TAFA2: variants seen among roughly 807,000 people sequenced by gnomAD.
The protein encoded by TAFA2 is chemokine-like protein TAFA-2.
In TAFA2, 7 loss-of-function variants were observed where a neutral mutation model predicts 18.8. The ratio of observed to expected loss-of-function variants is 0.37; its 90% CI spans 0.21 to 0.70. TAFA2 has a LOEUF of 0.70. Among genes scored for constraint, TAFA2 ranks in the 30% least tolerant of loss-of-function variants. The pLI is 0.53. For synonymous variants in TAFA2, 60 were observed against 54.2 expected (o/e 1.11, Z -0.47); for missense variants, 122 against 158.1 (o/e 0.77, Z 1.23).
At chr12:61,826,338 C>CTGTGTG (rs57736074) in intron 2 of TAFA2, among the ~76,000 whole-genome samples, 17,044 of 149,090 alleles carry the variant, frequency 0.11, 1,071 homozygotes, top group East Asian at 0.19. Context: ...ATTAGTTCAT[C>CTGTGTG]TGTGTGTGTG....
At chr12:61,990,982 C>A (rs182647406) in intron 1 of TAFA2, among the ~76,000 whole-genome samples, 5 of 152,204 alleles carry the variant, frequency 3.3e-5, no homozygotes, top group African/African-American at 1.2e-4. Context: ...AAAATAGTGA[C>A]CTTTTGTAAA....
intron 1 of TAFA2, chr12:62,022,047 C>A: frequency 1.7e-6 from 1 of 592,218 alleles, no homozygotes; most frequent in Non-Finnish European, 3.3e-6. Flanking sequence ...TAAAGCTCTA[C>A]ACTGCCCTCT....
intron 1 of TAFA2, among the ~76,000 whole-genome samples, chr12:62,008,913 TAGAA>T (rs1447449369): frequency 1.3e-5 from 2 of 152,212 alleles, no homozygotes; most frequent in Admixed American, 1.3e-4. Context: ...CAGAAATTGA[TAGAA>T]AGAGGACTGT....
chr12:62,162,962 G>T (rs2062415615), intron 1 of TAFA2, among the ~76,000 whole-genome samples: 1 of 151,882 alleles, frequency 6.6e-6, no homozygotes, highest in South Asian at 2.1e-4. Flanking sequence ...ATCAAAAAAG[G>T]CAGCACTGCA....
intron 2 of TAFA2, among the ~76,000 whole-genome samples, chr12:61,756,814 T>A (rs1375165405): frequency 6.6e-6 from 1 of 152,026 alleles, no homozygotes; most frequent in Non-Finnish European, 1.5e-5. Context: ...ATGAGCTGAA[T>A]AATGAGAAGG....
At chr12:61,911,182 C>CA (rs1215877124) in intron 1 of TAFA2, among the ~76,000 whole-genome samples, 4 of 151,976 alleles carry the variant, frequency 2.6e-5, no homozygotes, top group African/African-American at 7.3e-5. Context: ...CATTTTACCC[C>CA]AAAAAAATAG....
intron 2 of TAFA2, chr12:61,775,894 G>A (rs1470534909): frequency 4.1e-5 from 7 of 168,842 alleles, no homozygotes; most frequent in Non-Finnish European, 7.8e-5. Context: ...CCTTTGGCAG[G>A]AACTTCCATA....
intron 1 of TAFA2, among the ~76,000 whole-genome samples, chr12:61,890,726 T>C (rs910839678): frequency 1.3e-5 from 2 of 152,124 alleles, no homozygotes; most frequent in Non-Finnish European, 2.9e-5. Flanking sequence ...TGAAAGACAA[T>C]CCATTGCAGG....
At chr12:61,791,301 AT>A (rs1469600656) in intron 2 of TAFA2, among the ~76,000 whole-genome samples, 2 of 151,788 alleles carry the variant, frequency 1.3e-5, no homozygotes, top group African/African-American at 4.8e-5. Flanking sequence ...CTGGGCAAGA[AT>A]TTTTTTATAA....
In TAFA2 at chr12:62,131,059, C is replaced by T. The variant is rs192197730; in HGVS notation, c.-2+60200G>A. Among the ~76,000 whole-genome samples, 13 of 151,926 alleles carry T rather than the reference C, an allele frequency of 8.6e-5. No individual in the cohort carries two copies. In the South Asian group the frequency reaches 2.3e-3, roughly 27 times the overall value. Reference sequence around the variant, plus strand: ...AAAATAACATGTTAAAACTGAAAACCGCACTAATGAAAAGGGACAATGCTC... The same window carrying T: ...AAAATAACATGTTAAAACTGAAAACTGCACTAATGAAAAGGGACAATGCTC... On this transcript the variant is annotated intron_variant, in intron 1 of 4. Transcript: ENST00000416284.
At chr12:62,035,931 G>A (rs903097293) in intron 1 of TAFA2, among the ~76,000 whole-genome samples, 1 of 151,090 alleles carries the variant, frequency 6.6e-6, no homozygotes, top group African/African-American at 2.4e-5. Context: ...TAGTAGAGAC[G>A]GGGTTTCACC....
chr12:61,899,185 T>G (rs566069943), intron 1 of TAFA2, among the ~76,000 whole-genome samples: 1 of 152,298 alleles, frequency 6.6e-6, no homozygotes, highest in East Asian at 1.9e-4. Context: ...CTTTCCTACA[T>G]CTTCCTGTCT....
intron 1 of TAFA2, among the ~76,000 whole-genome samples, chr12:62,121,359 A>G (rs1014987265): frequency 1.3e-5 from 2 of 152,178 alleles, no homozygotes; most frequent in African/African-American, 4.8e-5. Flanking sequence ...GTAGTCAGAG[A>G]CCTCAGATTA....
chr12:61,999,561 G>A (rs997149617), intron 1 of TAFA2, among the ~76,000 whole-genome samples: 3 of 152,146 alleles, frequency 2.0e-5, no homozygotes, highest in African/African-American at 7.2e-5. Context: ...ATCCTGTCAT[G>A]TGCCCAGCTC....
At chr12:62,130,917 C>A (rs1870656520) in intron 1 of TAFA2, among the ~76,000 whole-genome samples, 1 of 151,942 alleles carries the variant, frequency 6.6e-6, no homozygotes, top group Non-Finnish European at 1.5e-5. Context: ...AAGCGAAAAT[C>A]ATGTCAGTGG....
intron 2 of TAFA2, among the ~76,000 whole-genome samples, chr12:61,793,947 T>C (rs1485779133): frequency 6.6e-6 from 1 of 151,908 alleles, no homozygotes; most frequent in African/African-American, 2.4e-5. Context: ...GAAAAACATA[T>C]CTAATGAGCT....
chr12:61,878,547 T>C (rs1245733297), intron 1 of TAFA2, among the ~76,000 whole-genome samples: 1 of 152,216 alleles, frequency 6.6e-6, no homozygotes, highest in Non-Finnish European at 1.5e-5. Context: ...CACTACTTTA[T>C]TTCCAGCATT....
intron 4 of TAFA2, among the ~76,000 whole-genome samples, chr12:61,737,775 T>G (rs1868328403): frequency 6.6e-6 from 1 of 152,038 alleles, no homozygotes; most frequent in African/African-American, 2.4e-5. Context: ...ATTATCATTA[T>G]TCTATTCCTG....
intron 1 of TAFA2, among the ~76,000 whole-genome samples, chr12:62,216,581 T>C (rs946156798): frequency 1.3e-5 from 2 of 152,240 alleles, no homozygotes; most frequent in Non-Finnish European, 2.9e-5. Flanking sequence ...GTTCCAACTA[T>C]AGATGTTGTC....
Sources: allele counts gnomAD v4.1 joint callset (sites outside exome capture counted in the v4.1 genomes callset), GRCh38; gene constraint gnomAD v4.1.1; transcripts MANE v1.5; gene names NCBI Gene and HGNC (gene_info 2026-07-23, HGNC 2026-07-21).